ZCCHC2: variants seen among roughly 807,000 people sequenced by gnomAD.
ZCCHC2 encodes the protein zinc finger CCHC domain-containing protein 2.
Under a neutral mutation model 103.6 loss-of-function variants are expected in ZCCHC2, and 39 were observed. The observed-to-expected ratio is 0.38, with a 90% CI of 0.29 to 0.49. The LOEUF is 0.49. Ranked by LOEUF, ZCCHC2 falls within the 20% of genes least tolerant of loss-of-function variation. The pLI is 0.96. For missense variants in ZCCHC2, 1,483 were observed against 1,491.0 expected, an observed-to-expected ratio of 0.99 and a Z score of 0.09; for synonymous variants, 687 against 608.9, an observed-to-expected ratio of 1.13 and a Z score of -1.89.
At chr18:62,583,636 C>T (rs1451211493) in intron 14 of ZCCHC2, among the ~76,000 whole-genome samples, 1 of 132,122 alleles carries the variant, frequency 7.6e-6, no homozygotes, top group Non-Finnish European at 1.6e-5. Flanking sequence ...CCATGACACT[C>T]CCATAATCTT....
chr18:62,582,585 A>G (rs1917064973), downstream of ZCCHC2, among the ~76,000 whole-genome samples: 1 of 152,308 alleles, frequency 6.6e-6, no homozygotes, highest in South Asian at 2.1e-4. Context: ...AGGCTGAGGT[A>G]GGAGAACCGC....
Position 62,574,011 on chromosome 18 carries a change from G to A in ZCCHC2, c.1976-46G>A. The A allele has an allele frequency of 2.0e-6, 3 of 1,535,704 alleles. No homozygotes were observed. In the South Asian group the frequency reaches 3.7e-5, roughly 19 times the overall value. ...AATGTTTATTTCTAGCAAGAAAGAT[G>A]GGAGTTATGCCCGTGTTAATATCTC... On this transcript the variant is annotated intron_variant, in intron 12 of 13. Transcript: ENST00000269499.
At position 62,574,316 on chromosome 18, in the gene ZCCHC2, C is replaced by A. The variant is rs1304328731; in HGVS notation, c.2235C>A (p.Gly745=). Residue 745 remains glycine, a synonymous_variant, in exon 13 of 14, where the codon GGC becomes GGA. Coordinates refer to ENST00000269499, the MANE Select transcript of ZCCHC2 (RefSeq NM_017742.6). ...VVVPAPKPAD[G]KTIGMLVPSP... is the part of the protein sequence containing the mutation. The stretch of plus-strand genomic sequence containing the variant: ...TTCCTGCACCCAAACCCGCTGATGG[C>A]AAAACCATAGGGATGCTTGTTCCTA... 1 of 1,613,932 alleles carries A rather than the reference C, an allele frequency of 6.2e-7. No individual in the cohort carries two copies. Among genetic ancestry groups the A allele is most frequent in the African/African-American group, 1.3e-5 (1 of 74,940 alleles).
intron 2 of ZCCHC2, among the ~76,000 whole-genome samples, chr18:62,542,042 T>TA (rs1915213327): frequency 6.6e-6 from 1 of 152,266 alleles, no homozygotes; most frequent in Admixed American, 6.5e-5. Context: ...AGTAGTTTTT[T>TA]AAAAAAATTA....
intron 12 of ZCCHC2, among the ~76,000 whole-genome samples, chr18:62,572,769 C>T (rs1054711736): frequency 3.9e-5 from 6 of 152,204 alleles, no homozygotes; most frequent in Non-Finnish European, 2.9e-5. Flanking sequence ...AGAAATTTAA[C>T]GCACTTCTTC....
intron 11 of ZCCHC2, among the ~76,000 whole-genome samples, chr18:62,568,872 A>G (rs1289935070): frequency 1.3e-5 from 2 of 152,206 alleles, no homozygotes; most frequent in African/African-American, 4.8e-5. Flanking sequence ...TTTGGCCACT[A>G]TGGCCCGTTA....
intron 4 of ZCCHC2, among the ~76,000 whole-genome samples, chr18:62,545,738 GACTT>G (rs1200323954): frequency 6.6e-6 from 1 of 152,168 alleles, no homozygotes; most frequent in Non-Finnish European, 1.5e-5. Flanking sequence ...ATTCCCAACT[GACTT>G]ACTAAGTTTT....
At position 62,533,629 on chromosome 18, in the gene ZCCHC2, G is replaced by C. The variant is rs186271533; in HGVS notation, c.940-6052G>C. Among the ~76,000 whole-genome samples the C allele has an allele frequency of 2.2e-3, 328 of 152,156 alleles. 1 individual carries two copies. Among genetic ancestry groups the C allele is most frequent in the African/African-American group, 7.4e-3 (309 of 41,518 alleles). On this transcript the variant is annotated intron_variant, in intron 1 of 13. Transcript: ENST00000269499. Reference sequence around the variant, plus strand: ...AGCCTGTAAACCCAGCACTTTGGGAGGCCAAGGCAGGTGGATCACCTGAGG... The same window carrying C: ...AGCCTGTAAACCCAGCACTTTGGGACGCCAAGGCAGGTGGATCACCTGAGG...
chr18:62,574,157 A>C lies in ZCCHC2; in HGVS notation c.2076A>C (p.Gln692His), dbSNP rs1332766486. Residue 692 changes from glutamine (Q) to histidine (H), a missense_variant, in exon 13 of 14, where the codon CAA becomes CAC. By Grantham distance (24) the Gln-to-His change is conservative. Around this residue, in one of 3 missense-constraint regions of ZCCHC2, gnomAD observed 884 missense variants for 907.5 expected, o/e 0.97. Coordinates refer to ENST00000269499, the MANE Select transcript of ZCCHC2 (RefSeq NM_017742.6). ...CTGTCACTGTCAAGCCACCTGTTCA[A>C]ATTGCTTCACTAGGAAATGAGAATG... ...NQTVTVKPPVQIASLGNENGN... is the reference protein window; with the variant it reads ...NQTVTVKPPVHIASLGNENGN... The C allele has an allele frequency of 4.3e-6, 7 of 1,614,070 alleles. No homozygotes were observed. The Admixed American group carries it at 8.3e-5, about 19-fold the overall frequency.
At position 62,575,111 on chromosome 18, in the gene ZCCHC2, T is replaced by A; in HGVS notation, c.3030T>A (p.Gly1010=). The A allele has an allele frequency of 1.9e-6, 3 of 1,613,972 alleles. No individual in the cohort carries two copies. The highest frequency in any genetic ancestry group is 2.5e-6 in the Non-Finnish European group (3 of 1,179,874). The part of the protein sequence containing the change: ...TVVPPQQMGS[G]PCGSCGRRCS... ...TGCCACCGCAGCAGATGGGCTCAGG[T>A]CCTTGTGGTTCTTGTGGGCGAAGGT... The change falls in exon 13 of 14, where the codon GGT becomes GGA. Residue 1010 remains glycine (G), a synonymous_variant. Transcript: ENST00000269499.
intron 1 of ZCCHC2, among the ~76,000 whole-genome samples, chr18:62,536,328 G>A (rs1231435211): frequency 4.6e-5 from 7 of 152,172 alleles, no homozygotes; most frequent in Admixed American, 3.3e-4. Context: ...ATGCTTGTGC[G>A]TATTTTTGCA....
chr18:62,539,497 T>C (rs919202271), intron 1 of ZCCHC2, 184 bp from the exon 2 acceptor site: 56 of 503,868 alleles, frequency 1.1e-4, no homozygotes, highest in African/African-American at 9.9e-4. Context: ...CAATAATTAA[T>C]AGAGTGCTCA....
chr18:62,570,152 T>G lies in ZCCHC2; in HGVS notation c.1896T>G (p.Ser632=). The change falls in exon 12 of 14, where the codon TCT becomes TCG. Residue 632 remains serine, a synonymous_variant. Transcript: ENST00000269499. ...GACATGACACATGTGGAGAAACATC[T>G]TCAGAGAGTTACAGTTCTCCATCTA... is the stretch of plus-strand genomic sequence containing the variant. ...GSGHDTCGET[S]SESYSSPSSP... is the part of the protein sequence containing the mutation. The G allele has an allele frequency of 6.2e-7, 1 of 1,612,598 alleles. No homozygotes were observed. The highest frequency in any genetic ancestry group is 1.1e-5 in the South Asian group (1 of 90,686).
chr18:62,557,392 C>T (rs191806883), intron 6 of ZCCHC2, among the ~76,000 whole-genome samples: 2 of 152,208 alleles, frequency 1.3e-5, no homozygotes, highest in South Asian at 2.1e-4. Context: ...CACATATTTC[C>T]TCAATTTGAG....
At chr18:62,554,724 GTTCCACCACTGCCTTTGGA>G (rs1483652354) in intron 5 of ZCCHC2, among the ~76,000 whole-genome samples, 2 of 152,160 alleles carry the variant, frequency 1.3e-5, no homozygotes, top group Non-Finnish European at 2.9e-5. Flanking sequence ...CTGGGTGTGG[GTTCCACCACTGCCTTTGGA>G]TTTTAATGTC....
chr18:62,577,191 C>G lies in ZCCHC2; in HGVS notation c.*612C>G, dbSNP rs1047243948. On this transcript the variant is annotated 3_prime_UTR_variant, in exon 14 of 14. Transcript: ENST00000269499. The stretch of plus-strand genomic sequence containing the variant: ...TGTATATATGTAATAAACAGCGTCA[C>G]GTAAATACATATATGCAGTGCTTGT... 1.3e-5 allele frequency: 2 copies of G among 152,514 alleles called. No homozygotes were observed. The highest frequency in any genetic ancestry group is 6.5e-5 in the Admixed American group (1 of 15,268). The allele number at this position is 152,514 out of a possible 1,614,324, so 9.4% of individuals were successfully genotyped here. A position where few individuals can be genotyped will look rare whatever the true frequency, so the allele number is the denominator to read the frequency against.
intron 5 of ZCCHC2, chr18:62,551,104 AT>A: frequency 6.6e-6 from 1 of 152,316 alleles, no homozygotes; most frequent in African/African-American, 2.4e-5. Context: ...TTGTTTCGTG[AT>A]GGGAAGTTGA....
intron 1 of ZCCHC2, among the ~76,000 whole-genome samples, chr18:62,538,325 A>G (rs1915022519): frequency 6.6e-6 from 1 of 152,014 alleles, no homozygotes; most frequent in South Asian, 2.1e-4. Flanking sequence ...AGTTAACACA[A>G]CTATTTGAGA....
chr18:62,578,792 G>C (rs531624160), downstream of ZCCHC2, among the ~76,000 whole-genome samples: 17 of 152,214 alleles, frequency 1.1e-4, 1 homozygote, highest in East Asian at 2.3e-3. Flanking sequence ...TTTGAGACGG[G>C]GTCTTGCTCT....
Sources: gnomAD v4.1 joint callset for allele counts (sites outside exome capture counted in the v4.1 genomes callset) on GRCh38, gnomAD v4.1.1 for gene constraint, gnomAD v4.1.1 regional missense constraint, MANE v1.5 for transcripts, NCBI Gene and HGNC (gene_info 2026-07-23, HGNC 2026-07-21) for gene names.